Variants in ERBB4 observed in about 807,000 individuals in gnomAD.
The protein encoded by ERBB4 is erb-b2 receptor tyrosine kinase 4.
Under a neutral mutation model 158.0 loss-of-function variants are expected in ERBB4, and 42 were observed. The ratio of observed to expected loss-of-function variants is 0.27; its 90% confidence interval spans 0.21 to 0.34. The LOEUF is 0.34. ERBB4 is among the 10% of genes least tolerant of loss of function. The probability of loss-of-function intolerance (pLI) is 1.00; values close to 1 mark genes in which losing one functional copy is unlikely to be tolerated. For synonymous variants in ERBB4, 583 were observed against 558.7 expected (o/e 1.04, Z -0.61); for missense variants, 1,333 against 1,624.1 (o/e 0.82, Z 3.08).
intron 2 of ERBB4, among the ~76,000 whole-genome samples, chr2:212,074,123 A>G (rs993700227): frequency 2.6e-5 from 4 of 152,008 alleles, no homozygotes; most frequent in Admixed American, 1.3e-4. Flanking sequence ...AAATTCTGCC[A>G]AAACTTAGCT....
At chr2:212,041,932 A>T (rs1468064602) in intron 2 of ERBB4, among the ~76,000 whole-genome samples, 1 of 152,112 alleles carries the variant, frequency 6.6e-6, no homozygotes, top group Non-Finnish European at 1.5e-5. Context: ...CATTGTCATG[A>T]TGAAGACACA....
At chr2:211,842,670 A>ATCACC (rs1321442670) in intron 3 of ERBB4, among the ~76,000 whole-genome samples, 7 of 152,098 alleles carry the variant, frequency 4.6e-5, no homozygotes, top group Non-Finnish European at 7.4e-5. Context: ...AATTAGAAAT[A>ATCACC]TCACCTCACC....
intron 1 of ERBB4, among the ~76,000 whole-genome samples, chr2:212,373,205 A>T (rs2090147362): frequency 6.6e-6 from 1 of 152,282 alleles, no homozygotes; most frequent in African/African-American, 2.4e-5. Context: ...AAGTAGCATT[A>T]TATTATCCAC....
intron 23 of ERBB4, among the ~76,000 whole-genome samples, chr2:211,423,173 C>T (rs2063548160): frequency 6.6e-6 from 1 of 151,950 alleles, no homozygotes; most frequent in South Asian, 2.1e-4. Context: ...AGGTTAACCA[C>T]AGTTGAGGTA....
Position 211,571,038 on chromosome 2 carries a change from C to CCTCTTTTTTTTTTTT in ERBB4, c.2302-8951_2302-8950insAAAAAAAAAAAAGAG, listed in dbSNP as rs1437512949. ...GATTTTTCACTCTCTGAGTACTCTT[C>CCTCTTTTTTTTTTTT]TTCTTTTTTTTTTTTTTTTTTTTGA... On this transcript the variant is annotated intron_variant, in intron 19 of 27. Coordinates refer to ENST00000342788, the MANE Select transcript of ERBB4 (RefSeq NM_005235.3). Among the ~76,000 whole-genome samples the CCTCTTTTTTTTTTTT allele has an allele frequency of 3.1e-3, 183 of 58,716 alleles. 6 individuals carry two copies. Among genetic ancestry groups the CCTCTTTTTTTTTTTT allele is most frequent in the African/African-American group, 0.013 (175 of 13,154 alleles). 38.5% of individuals were successfully genotyped at this position (58,716 alleles called of 152,430 possible). A position where few individuals can be genotyped will look rare whatever the true frequency, so the allele number is the denominator to read the frequency against.
At chr2:212,036,668 G>T (rs1210537984) in intron 2 of ERBB4, among the ~76,000 whole-genome samples, 1 of 152,052 alleles carries the variant, frequency 6.6e-6, no homozygotes, top group Non-Finnish European at 1.5e-5. Flanking sequence ...TTTTCACCGT[G>T]TTAGTCAGGA....
chr2:212,333,891 A>G (rs934887640), intron 1 of ERBB4, among the ~76,000 whole-genome samples: 3 of 151,998 alleles, frequency 2.0e-5, no homozygotes, highest in African/African-American at 7.2e-5. Flanking sequence ...AAGTCACCTA[A>G]TACAGAAACC....
intron 1 of ERBB4, among the ~76,000 whole-genome samples, chr2:212,521,026 G>A (rs1692131827): frequency 6.6e-6 from 1 of 151,912 alleles, no homozygotes; most frequent in Non-Finnish European, 1.5e-5. Context: ...CAGTGTTTGT[G>A]TATAGATGTG....
rs1440851284 is a variant in ERBB4, at chr2:211,380,319, T to C, written c.*3296A>G. 2.6e-5 allele frequency: 6 copies of C among 232,332 alleles called. No homozygotes were observed. The highest frequency in any genetic ancestry group is 5.1e-5 in the Non-Finnish European group (6 of 117,570). The allele number at this position is 232,332 out of a possible 1,614,324, so 14.4% of individuals were successfully genotyped here. Reference sequence around the variant, plus strand: ...CAGAGGCCATCTTTCCTCACCTGTTTACCACTTTCTTTAGGCAATCATTTA... The same window carrying C: ...CAGAGGCCATCTTTCCTCACCTGTTCACCACTTTCTTTAGGCAATCATTTA... On this transcript the variant is annotated 3_prime_UTR_variant, in exon 28 of 28. Coordinates refer to ENST00000342788, the MANE Select transcript of ERBB4 (RefSeq NM_005235.3).
chr2:212,393,924 T>C (rs1363043651), intron 1 of ERBB4, among the ~76,000 whole-genome samples: 1 of 152,112 alleles, frequency 6.6e-6, no homozygotes, highest in South Asian at 2.1e-4. Context: ...ATTTCCCCTC[T>C]GCCAGTTGGA....
At chr2:211,915,258 T>A (rs867478191) in intron 3 of ERBB4, among the ~76,000 whole-genome samples, 1 of 152,198 alleles carries the variant, frequency 6.6e-6, no homozygotes, top group Middle Eastern at 3.4e-3. Flanking sequence ...TCCCTACCAT[T>A]CCTTGGTAGC....
At chr2:211,439,519 A>G (rs1037751441) in intron 20 of ERBB4, among the ~76,000 whole-genome samples, 1 of 152,270 alleles carries the variant, frequency 6.6e-6, no homozygotes, top group African/African-American at 2.4e-5. Context: ...TACTGAGTAT[A>G]TTTTTATGTA....
chr2:212,418,372 A>G (rs1053198962), intron 1 of ERBB4, among the ~76,000 whole-genome samples: 2 of 151,896 alleles, frequency 1.3e-5, no homozygotes, highest in Admixed American at 6.6e-5. Flanking sequence ...CAAGTACAAT[A>G]TAATGCCTAA....
chr2:212,225,885 G>A (rs1024289409), intron 1 of ERBB4, among the ~76,000 whole-genome samples: 1 of 152,004 alleles, frequency 6.6e-6, no homozygotes, highest in Non-Finnish European at 1.5e-5. Context: ...CTCCCCTTGA[G>A]TGGGTATGGG....
At chr2:211,765,898 A>G (rs1458316244) in intron 4 of ERBB4, among the ~76,000 whole-genome samples, 2 of 152,176 alleles carry the variant, frequency 1.3e-5, no homozygotes, top group Non-Finnish European at 2.9e-5. Flanking sequence ...TTGAGTACAG[A>G]GTTTGAATTG....
chr2:211,935,185 A>T (rs951283337), intron 3 of ERBB4, among the ~76,000 whole-genome samples: 1 of 152,178 alleles, frequency 6.6e-6, no homozygotes, highest in Non-Finnish European at 1.5e-5. Flanking sequence ...CAGTTTACTT[A>T]TCTTCAAAAT....
chr2:211,409,265 T>C (rs1432698396), intron 25 of ERBB4, among the ~76,000 whole-genome samples: 1 of 152,172 alleles, frequency 6.6e-6, no homozygotes, highest in Non-Finnish European at 1.5e-5. Flanking sequence ...AAAAATACTT[T>C]GCCTCTCTGC....
intron 20 of ERBB4, among the ~76,000 whole-genome samples, chr2:211,445,319 A>G (rs575364153): frequency 2.0e-5 from 3 of 152,260 alleles, no homozygotes; most frequent in African/African-American, 7.2e-5. Context: ...CTAAGACAGT[A>G]ACTTGGAGAA....
intron 2 of ERBB4, among the ~76,000 whole-genome samples, chr2:212,013,646 A>G (rs2076443216): frequency 6.6e-6 from 1 of 152,186 alleles, no homozygotes; most frequent in South Asian, 2.1e-4. Flanking sequence ...AGAAGAAGAG[A>G]TAGAGATTGG....
Sources: allele counts gnomAD v4.1 joint callset (sites outside exome capture counted in the v4.1 genomes callset), GRCh38; gene constraint gnomAD v4.1.1; transcripts MANE v1.5; gene names NCBI Gene and HGNC (gene_info 2026-07-23, HGNC 2026-07-21).